Variants in ARSF observed in about 807,000 individuals in gnomAD.
The protein encoded by ARSF is arylsulfatase F.
In ARSF, 33 loss-of-function variants were observed where a neutral mutation model predicts 35.4. That is an observed-to-expected ratio of 0.93 (90% CI 0.71 to 1.25). The LOEUF is 1.25. ARSF is among the 50% of genes most tolerant of loss of function. The pLI is 0.00. For synonymous variants in ARSF, 222 were observed against 193.1 expected (o/e 1.15, Z -1.24); for missense variants, 501 against 480.2 (o/e 1.04, Z -0.40).
intron 1 of ARSF, among the ~76,000 whole-genome samples, chrX:3,053,359 C>T (rs1296692367): frequency 3.1e-5 from 3 of 97,336 alleles, no homozygotes; most frequent in Non-Finnish European, 6.1e-5. Flanking sequence ...GAGACAGTCT[C>T]ACTCTGTTGC....
chrX:3,100,752 A>G (rs2090370295), intron 7 of ARSF, among the ~76,000 whole-genome samples: 1 of 110,772 alleles, frequency 9.0e-6, no homozygotes, highest in African/African-American at 3.3e-5. Flanking sequence ...CTGTGCCACC[A>G]TGCCTGGCTA....
chrX:3,058,997 T>C, intron 1 of ARSF, among the ~76,000 whole-genome samples: 1 of 112,347 alleles, frequency 8.9e-6, no homozygotes, highest in Non-Finnish European at 1.9e-5. Flanking sequence ...TGAATACTTA[T>C]TCCATGGAGA....
Position 3,103,780 on chromosome X carries a change from G to C in ARSF, c.1121G>C (p.Gly374Ala). ...CTTATAGGTGGAAAAGGCATGGGGG[G>C]CTGGGAAGGTGGAATCCGCGTCCCA... Reference protein sequence around the residue: ...GIYKGGKGMGGWEGGIRVPGI... With the variant: ...GIYKGGKGMGAWEGGIRVPGI... The change falls in exon 9 of 11, where the codon GGC (glycine) becomes GCC (alanine). Residue 374 changes from glycine (G) to alanine (A), a missense_variant. Coordinates refer to ENST00000381127, the MANE Select transcript of ARSF (RefSeq NM_001201539.2). The C allele has an allele frequency of 8.3e-7, 1 of 1,211,533 alleles. No homozygotes were observed. Among genetic ancestry groups the C allele is most frequent in the Non-Finnish European group, 1.1e-6 (1 of 895,346 alleles).
At chrX:3,071,949 T>G in intron 2 of ARSF, 77 bp from the exon 3 acceptor site, 5 of 1,026,210 alleles carry the variant, frequency 4.9e-6, no homozygotes, top group South Asian at 1.9e-5. Flanking sequence ...AAGACCCCTG[T>G]TGTGTTGTGT....
chrX:3,071,390 G>A (rs1316634838), intron 2 of ARSF, among the ~76,000 whole-genome samples: 1 of 110,387 alleles, frequency 9.1e-6, no homozygotes, highest in Middle Eastern at 4.6e-3. Context: ...TGCAACCTCC[G>A]CCTCCCGGGT....
upstream of ARSF, among the ~76,000 whole-genome samples, chrX:3,040,645 G>C (rs1175352858): frequency 9.0e-6 from 1 of 110,970 alleles, no homozygotes. Context: ...GCTCCTCCTA[G>C]CCAAAAACCA....
chrX:3,105,540 C>T (rs1056687783), intron 9 of ARSF, among the ~76,000 whole-genome samples: 1 of 112,088 alleles, frequency 8.9e-6, no homozygotes, highest in Admixed American at 9.4e-5. Flanking sequence ...TCTCAGCTCA[C>T]TGCAACCTCT....
intron 6 of ARSF, among the ~76,000 whole-genome samples, chrX:3,088,871 C>A (rs749546260): frequency 6.3e-5 from 7 of 111,310 alleles, no homozygotes; most frequent in Non-Finnish European, 1.3e-4. Flanking sequence ...TCAAACCCAT[C>A]CTTCCAAGGA....
In ARSF at chrX:3,101,236, T is replaced by C; in HGVS notation, c.1102+15T>C. The C allele has an allele frequency of 8.3e-7, 1 of 1,203,296 alleles. No homozygotes were observed. Among genetic ancestry groups the C allele is most frequent in the Non-Finnish European group, 1.1e-6 (1 of 890,659 alleles). On this transcript the variant is annotated intron_variant, in intron 8 of 10. Transcript: ENST00000381127. Reference sequence around the variant, plus strand: ...AATATACAAAGGTGAGGAGAGGAACTCATGCAAGTGATCTGGTGGTGAATA... The same window carrying C: ...AATATACAAAGGTGAGGAGAGGAACCCATGCAAGTGATCTGGTGGTGAATA...
rs910163270 is a variant in ARSF, at chrX:3,085,595, T to A, written c.830+929T>A. On this transcript the variant is annotated intron_variant, in intron 6 of 10. Coordinates refer to ENST00000381127, the MANE Select transcript of ARSF (RefSeq NM_001201539.2). ...CAATGACTGGAAATTTTCAAGGGTATCTATCCTCTTGTTGTTGGACCTTCT... is the reference window on the plus strand; with the variant it reads ...CAATGACTGGAAATTTTCAAGGGTAACTATCCTCTTGTTGTTGGACCTTCT... Among the ~76,000 whole-genome samples the A allele has an allele frequency of 1.9e-4, 21 of 110,953 alleles. 1 individual carries two copies. Among genetic ancestry groups the A allele is most frequent in the Non-Finnish European group, 3.8e-5 (2 of 53,133 alleles).
Position 3,044,474 on chromosome X carries a change from G to T in ARSF, c.-29+2811G>T, listed in dbSNP as rs776348924. Among the ~76,000 whole-genome samples the T allele has an allele frequency of 1.5e-3, 171 of 110,717 alleles. 3 individuals carry two copies. Among genetic ancestry groups the T allele is most frequent in the Non-Finnish European group, 4.9e-4 (26 of 52,965 alleles). On this transcript the variant is annotated intron_variant, in intron 1 of 10. Transcript: ENST00000381127. ...CCTTTTGGACACCGACTTCTTGTTT[G>T]GTGTCCAAGAATCATCAGGTCACAC...
chrX:3,093,956 G>A (rs752903370), intron 7 of ARSF, among the ~76,000 whole-genome samples: 1 of 111,646 alleles, frequency 9.0e-6, no homozygotes, highest in South Asian at 3.8e-4. Context: ...TGAGGTCTTT[G>A]TCATTGAAAG....
At chrX:3,074,104 C>CA (rs751507279) in intron 3 of ARSF, among the ~76,000 whole-genome samples, 1 of 110,334 alleles carries the variant, frequency 9.1e-6, no homozygotes, top group East Asian at 2.8e-4. Flanking sequence ...AAGTAGTCGC[C>CA]AAAAATTAAC....
intron 6 of ARSF, among the ~76,000 whole-genome samples, chrX:3,085,844 G>A (rs902318259): frequency 9.0e-6 from 1 of 110,557 alleles, no homozygotes; most frequent in Non-Finnish European, 1.9e-5. Context: ...AGGCCGAGGA[G>A]GGTGGATCAT....
chrX:3,078,230 AC>A (rs1450454511), intron 4 of ARSF, among the ~76,000 whole-genome samples: 1 of 110,057 alleles, frequency 9.1e-6, no homozygotes, highest in Non-Finnish European at 1.9e-5. Flanking sequence ...TGCTCTGTTG[AC>A]CGGGATGGAG....
chrX:3,053,097 A>T (rs1389927917), intron 1 of ARSF, among the ~76,000 whole-genome samples: 1 of 111,190 alleles, frequency 9.0e-6, no homozygotes, highest in African/African-American at 3.3e-5. Flanking sequence ...CTAGCCTGAC[A>T]TTGTGAGAAA....
At chrX:3,048,539 C>G (rs927681654) in intron 1 of ARSF, among the ~76,000 whole-genome samples, 2 of 112,301 alleles carry the variant, frequency 1.8e-5, no homozygotes, top group Admixed American at 1.9e-4. Context: ...CCTTTTGTCT[C>G]GTGTCTACTT....
At chrX:3,059,972 A>G (rs1363111037) in intron 1 of ARSF, among the ~76,000 whole-genome samples, 1 of 112,254 alleles carries the variant, frequency 8.9e-6, no homozygotes, top group African/African-American at 3.2e-5. Flanking sequence ...CTTAGAATGG[A>G]CAGACTGCCT....
rs1201489905 is a variant in ARSF, at chrX:3,112,422, C to T, written c.1639C>T (p.Pro547Ser). ...GAAGGAACACCAGGAAACCATCGTG[C>T]CTGTGACCTACCAACTCTCAGAACT... The part of the protein sequence containing the change: ...ALKEHQETIV[P>S]VTYQLSELNQ... The change falls in exon 11 of 11, where the codon CCT (proline) becomes TCT (serine). Residue 547 changes from proline (P) to serine (S), a missense_variant. Physicochemically the swap from Pro to Ser is moderately conservative, Grantham distance 74. Coordinates refer to ENST00000381127, the MANE Select transcript of ARSF (RefSeq NM_001201539.2). 1 of 1,209,481 alleles carries T rather than the reference C, an allele frequency of 8.3e-7. No homozygotes were observed. Among genetic ancestry groups the T allele is most frequent in the East Asian group, 3.0e-5 (1 of 33,717 alleles).
Sources: allele counts gnomAD v4.1 joint callset (sites outside exome capture counted in the v4.1 genomes callset), GRCh38; gene constraint gnomAD v4.1.1; transcripts MANE v1.5; gene names NCBI Gene and HGNC (gene_info 2026-07-23, HGNC 2026-07-21).